SLC35D2: variants seen among roughly 807,000 people sequenced by gnomAD.
SLC35D2 encodes solute carrier family 35 member D2, also known as nucleotide sugar transporter SLC35D2.
In SLC35D2, 43 loss-of-function variants were observed where a neutral mutation model predicts 41.8. The observed-to-expected ratio is 1.03, with a 90% confidence interval of 0.81 to 1.33. The LOEUF is 1.33. Ranked by LOEUF, SLC35D2 falls within the 40% of genes most tolerant of loss-of-function variation. SLC35D2 has a pLI of 0.00. For synonymous variants in SLC35D2, 150 were observed against 163.9 expected (o/e 0.92, Z 0.65); for missense variants, 380 against 408.4 (o/e 0.93, Z 0.60).
intron 11 of SLC35D2, among the ~76,000 whole-genome samples, chr9:96,315,437 T>G (rs1000045802): frequency 2.0e-5 from 3 of 149,240 alleles, no homozygotes; most frequent in Non-Finnish European, 4.5e-5. Context: ...TCACAGACTT[T>G]TTTTTTTTTT....
intron 2 of SLC35D2, among the ~76,000 whole-genome samples, chr9:96,367,219 CAAAAA>C (rs1171888357): frequency 1.4e-5 from 1 of 70,998 alleles, no homozygotes. Context: ...GACTCAGTCA[CAAAAA>C]AAAAAAAAAA....
chr9:96,372,288 T>C (rs1312954258), intron 1 of SLC35D2, among the ~76,000 whole-genome samples: 3 of 152,192 alleles, frequency 2.0e-5, no homozygotes, highest in Non-Finnish European at 4.4e-5. Flanking sequence ...ATATGGGACA[T>C]TTTACAAAAC....
At chr9:96,372,749 T>TA (rs1446358857) in intron 1 of SLC35D2, among the ~76,000 whole-genome samples, 2 of 151,194 alleles carry the variant, frequency 1.3e-5, no homozygotes, top group Admixed American at 1.3e-4. Flanking sequence ...CACGCCTGCC[T>TA]AATTTTTTGT....
downstream of SLC35D2, among the ~76,000 whole-genome samples, chr9:96,318,848 C>G (rs1828119910): frequency 6.6e-6 from 1 of 151,986 alleles, no homozygotes; most frequent in African/African-American, 2.4e-5. Context: ...ATGATGGCTA[C>G]TAGTAAAAAT....
intron 3 of SLC35D2, among the ~76,000 whole-genome samples, chr9:96,363,643 A>G (rs552779522): frequency 6.6e-6 from 1 of 152,360 alleles, no homozygotes; most frequent in Admixed American, 6.5e-5. Context: ...ATTTCTATGT[A>G]TATCAAATTG....
intron 8 of SLC35D2, 52 bp from the exon 9 acceptor site, chr9:96,336,836 A>T: frequency 1.9e-6 from 2 of 1,063,752 alleles, no homozygotes; most frequent in Admixed American, 4.4e-5. Flanking sequence ...ACTGCAGTTT[A>T]AATTTACTGG....
chr9:96,345,624 G>A (rs1453131061), intron 6 of SLC35D2, among the ~76,000 whole-genome samples: 3 of 152,176 alleles, frequency 2.0e-5, no homozygotes, highest in Admixed American at 6.5e-5. Context: ...AAACCAGAGC[G>A]ACATTAAGCA....
In SLC35D2 at chr9:96,360,201, G is replaced by A. The variant is rs752305859; in HGVS notation, c.300C>T (p.Leu100=). 6.2e-7 allele frequency: 1 copy of A among 1,612,170 alleles called. No individual in the cohort carries two copies. ...ATCCACTTATGTGGTTTCCAACGTA[G>A]AGGAGAGGCAGAGGAAACAGCTTCC... ...IPVKLFPLPL[L]YVGNHISGLS... Residue 100 remains leucine (L), a synonymous_variant, in exon 4 of 12, where the codon CTC becomes CTT. Transcript: ENST00000253270.
chr9:96,358,839 A>G (rs573771939), intron 4 of SLC35D2, among the ~76,000 whole-genome samples: 76 of 151,968 alleles, frequency 5.0e-4, no homozygotes, highest in African/African-American at 1.8e-3. Context: ...AAATACAAAA[A>G]TTAGCTGGGC....
chr9:96,352,215 A>C (rs1283244281), intron 4 of SLC35D2, 106 bp from the exon 5 acceptor site: 1 of 627,462 alleles, frequency 1.6e-6, no homozygotes, highest in Non-Finnish European at 2.7e-6. Flanking sequence ...TTCCAAATCA[A>C]TTTTCACATT....
chr9:96,371,758 G>A (rs1830703927), intron 1 of SLC35D2, among the ~76,000 whole-genome samples: 2 of 107,342 alleles, frequency 1.9e-5, no homozygotes, highest in Non-Finnish European at 3.4e-5. Flanking sequence ...ACGGAGTCTC[G>A]CTCTGTCGCC....
downstream of SLC35D2, among the ~76,000 whole-genome samples, chr9:96,317,064 G>A (rs1828069544): frequency 6.6e-6 from 1 of 151,830 alleles, no homozygotes; most frequent in Non-Finnish European, 1.5e-5. Flanking sequence ...TGTGAAACTG[G>A]AAGGCGGAGC....
At chr9:96,382,265 G>A (rs968564808) in intron 1 of SLC35D2, among the ~76,000 whole-genome samples, 19 of 151,636 alleles carry the variant, frequency 1.3e-4, no homozygotes, top group African/African-American at 4.4e-4. Context: ...GACCAGCCTT[G>A]GAAACACACT....
chr9:96,375,887 G>A (rs527268760), intron 1 of SLC35D2, among the ~76,000 whole-genome samples: 12 of 152,102 alleles, frequency 7.9e-5, no homozygotes, highest in East Asian at 5.8e-4. Flanking sequence ...GGAGTCAGGC[G>A]CAGTGGCTTA....
At chr9:96,339,355 C>T (rs915556619) in intron 8 of SLC35D2, among the ~76,000 whole-genome samples, 2 of 152,140 alleles carry the variant, frequency 1.3e-5, no homozygotes, top group Non-Finnish European at 2.9e-5. Flanking sequence ...ATGATCTGCC[C>T]GCCTCAACCT....
downstream of SLC35D2, among the ~76,000 whole-genome samples, chr9:96,317,057 G>A (rs1372576924): frequency 6.6e-6 from 1 of 151,732 alleles, no homozygotes. Context: ...AGAATGGTGT[G>A]AAACTGGAAG....
intron 9 of SLC35D2, among the ~76,000 whole-genome samples, chr9:96,330,684 A>C (rs1828766224): frequency 6.6e-6 from 1 of 152,162 alleles, no homozygotes; most frequent in Admixed American, 6.6e-5. Flanking sequence ...GGAAAATTAA[A>C]TCTCAGAACC....
intron 9 of SLC35D2, among the ~76,000 whole-genome samples, chr9:96,328,408 G>A (rs991800923): frequency 2.6e-5 from 4 of 152,116 alleles, no homozygotes; most frequent in Non-Finnish European, 5.9e-5. Context: ...GAGCCACCAC[G>A]CCCAGCGTGC....
At chr9:96,362,134 G>A (rs1830302421) in intron 3 of SLC35D2, among the ~76,000 whole-genome samples, 1 of 152,178 alleles carries the variant, frequency 6.6e-6, no homozygotes. Context: ...AATATTAAGT[G>A]AAAGAAGCAA....
Sources: gnomAD v4.1 joint callset for allele counts (sites outside exome capture counted in the v4.1 genomes callset) on GRCh38, gnomAD v4.1.1 for gene constraint, MANE v1.5 for transcripts, NCBI Gene and HGNC (gene_info 2026-07-23, HGNC 2026-07-21) for gene names.